RERE: variants seen among roughly 807,000 people sequenced by gnomAD.
RERE encodes arginine-glutamic acid dipeptide repeats.
Under a neutral mutation model 146.1 loss-of-function variants are expected in RERE, and 40 were observed. The ratio of observed to expected loss-of-function variants is 0.27; its 90% CI spans 0.21 to 0.36. The LOEUF is 0.36. Among genes scored for constraint, RERE ranks in the 10% least tolerant of loss-of-function variants. The probability of loss-of-function intolerance (pLI) is 1.00; values close to 1 mark genes in which losing one functional copy is unlikely to be tolerated. For synonymous variants in RERE, 1,003 were observed against 866.0 expected, an observed-to-expected ratio of 1.16 and a Z score of -2.78; for missense variants, 1,933 against 2,138.7, an observed-to-expected ratio of 0.90 and a Z score of 1.90.
intron 3 of RERE, among the ~76,000 whole-genome samples, chr1:8,616,137 C>T (rs1441352497): frequency 6.6e-6 from 1 of 152,198 alleles, no homozygotes; most frequent in Admixed American, 6.5e-5. Context: ...TAATCTCTTC[C>T]ACTAGGAATA....
At chr1:8,399,148 T>C (rs1050696964) in intron 12 of RERE, among the ~76,000 whole-genome samples, 8 of 151,976 alleles carry the variant, frequency 5.3e-5, no homozygotes, top group Admixed American at 1.3e-4. Context: ...AGTTATGTTA[T>C]AAATATCTTC....
chr1:8,675,738 T>TATATATAC (rs1553131941), intron 1 of RERE, among the ~76,000 whole-genome samples: 2 of 147,780 alleles, frequency 1.4e-5, no homozygotes, highest in African/African-American at 5.0e-5. Context: ...TACATACATA[T>TATATATAC]ATACATACAT....
Position 8,611,143 on chromosome 1 carries a change from T to C in RERE, c.522+3418A>G, listed in dbSNP as rs1218396394. Among the ~76,000 whole-genome samples the C allele has an allele frequency of 5.4e-5, 8 of 149,150 alleles. No individual in the cohort carries two copies. In the East Asian group the frequency reaches 6.1e-4, roughly 11 times the overall value. ...CCGGGAGGCGGAGGTTGCAGTGAGC[T>C]GAGATCATGCCACTGCACTCCAGCC... On this transcript the variant is annotated intron_variant, in intron 4 of 22. Coordinates refer to ENST00000400908, the MANE Select transcript of RERE (RefSeq NM_001042681.2).
chr1:8,543,105 T>G (rs1021220252), intron 6 of RERE, among the ~76,000 whole-genome samples: 2 of 152,204 alleles, frequency 1.3e-5, no homozygotes, highest in Admixed American at 1.3e-4. Context: ...GAAAGTTCTA[T>G]TAGAAGTGCT....
intron 4 of RERE, among the ~76,000 whole-genome samples, chr1:8,594,082 T>C (rs1174115403): frequency 6.6e-6 from 1 of 152,226 alleles, no homozygotes; most frequent in East Asian, 1.9e-4. Context: ...TGCAGACCAC[T>C]ACAAAAATGT....
intron 12 of RERE, among the ~76,000 whole-genome samples, chr1:8,387,361 A>C (rs1304921665): frequency 6.6e-6 from 1 of 152,196 alleles, no homozygotes; most frequent in Non-Finnish European, 1.5e-5. Context: ...CAAAATTATA[A>C]AACTTTTAGA....
At chr1:8,485,304 T>C (rs889820734) in intron 10 of RERE, among the ~76,000 whole-genome samples, 13 of 152,102 alleles carry the variant, frequency 8.5e-5, no homozygotes, top group African/African-American at 2.9e-4. Context: ...GAGGTTGTGG[T>C]GAGCCGAGAT....
intron 1 of RERE, among the ~76,000 whole-genome samples, chr1:8,757,889 T>TATACACACACACACACATAC: frequency 7.9e-6 from 1 of 125,870 alleles, no homozygotes; most frequent in African/African-American, 2.8e-5. Context: ...CATACATATG[T>TATACACACACACACACATAC]ATACACACAC....
intron 4 of RERE, among the ~76,000 whole-genome samples, chr1:8,605,844 A>AATTT (rs1646701466): frequency 5.9e-5 from 1 of 16,840 alleles, no homozygotes; most frequent in Non-Finnish European, 9.8e-5. Context: ...TAAATACCAA[A>AATTT]CTTTTTTTTT....
At chr1:8,581,869 T>C (rs1464115932) in intron 4 of RERE, among the ~76,000 whole-genome samples, 2 of 152,182 alleles carry the variant, frequency 1.3e-5, no homozygotes, top group South Asian at 2.1e-4. Context: ...CATATTTACA[T>C]GAAACAAAAT....
chr1:8,666,460 T>G (rs1026073132), intron 1 of RERE, among the ~76,000 whole-genome samples: 8 of 152,218 alleles, frequency 5.3e-5, no homozygotes, highest in Non-Finnish European at 1.0e-4. Context: ...GCAGCCAGCA[T>G]GCAGCAGAAA....
chr1:8,758,379 C>G (rs12028926), intron 1 of RERE, among the ~76,000 whole-genome samples: 35,433 of 149,200 alleles, frequency 0.24, 5,864 homozygotes, highest in East Asian at 0.78. Context: ...CCGTGCCTGG[C>G]CCTCAATCTT....
intron 12 of RERE, among the ~76,000 whole-genome samples, chr1:8,420,109 C>A (rs541048278): frequency 6.6e-6 from 1 of 152,324 alleles, no homozygotes; most frequent in East Asian, 1.9e-4. Context: ...GATGCTGACA[C>A]CCTTCTCAAG....
intron 11 of RERE, among the ~76,000 whole-genome samples, chr1:8,458,094 T>C (rs1644473789): frequency 6.6e-6 from 1 of 152,150 alleles, no homozygotes; most frequent in East Asian, 1.9e-4. Flanking sequence ...ACGTAGAATG[T>C]TCTAAGCACA....
At chr1:8,777,224 C>T (rs902317269) in intron 1 of RERE, among the ~76,000 whole-genome samples, 3 of 152,152 alleles carry the variant, frequency 2.0e-5, no homozygotes, top group Non-Finnish European at 4.4e-5. Flanking sequence ...TGGGTGCTTC[C>T]ACTTCTGGAA....
intron 12 of RERE, among the ~76,000 whole-genome samples, chr1:8,411,440 C>A (rs1206142526): frequency 6.6e-6 from 1 of 151,816 alleles, no homozygotes; most frequent in African/African-American, 2.4e-5. Flanking sequence ...CCCTGCCCTG[C>A]TAGAACTTCA....
At chr1:8,647,255 C>A (rs189325431) in intron 2 of RERE, among the ~76,000 whole-genome samples, 10 of 152,252 alleles carry the variant, frequency 6.6e-5, no homozygotes, top group Admixed American at 6.5e-4. Flanking sequence ...ATAAGATTAA[C>A]GTTGATTAAA....
intron 12 of RERE, among the ~76,000 whole-genome samples, chr1:8,383,326 G>A (rs903990459): frequency 5.3e-5 from 8 of 150,970 alleles, no homozygotes; most frequent in African/African-American, 2.0e-4. Flanking sequence ...ACAGAATGAC[G>A]CCACACAAGA....
intron 10 of RERE, among the ~76,000 whole-genome samples, chr1:8,474,931 T>A (rs923322252): frequency 6.6e-6 from 1 of 152,196 alleles, no homozygotes; most frequent in African/African-American, 2.4e-5. Flanking sequence ...AAATATCTGT[T>A]TATACATCAC....
Sources: allele counts gnomAD v4.1 joint callset (sites outside exome capture counted in the v4.1 genomes callset), GRCh38; gene constraint gnomAD v4.1.1; transcripts MANE v1.5; gene names NCBI Gene and HGNC (gene_info 2026-07-23, HGNC 2026-07-21).